PRKN: variants seen among roughly 807,000 people sequenced by gnomAD.
PRKN encodes the protein E3 ubiquitin-protein ligase parkin.
A neutral mutation model predicts 59.5 loss-of-function variants in PRKN; 56 were observed. That is an observed-to-expected ratio of 0.94 (90% CI 0.76 to 1.18). PRKN has a LOEUF of 1.18. Among genes scored for constraint, PRKN ranks in the 50% most tolerant of loss-of-function variants. The pLI, the probability that PRKN is intolerant of heterozygous loss-of-function variation, is 0.00. For missense variants in PRKN, 657 were observed against 596.4 expected (o/e 1.10, Z -1.06); for synonymous variants, 250 against 222.1 (o/e 1.13, Z -1.12).
At chr6:162,450,345 T>A (rs758133721) in intron 1 of PRKN, among the ~76,000 whole-genome samples, 10 of 90,058 alleles carry the variant, frequency 1.1e-4, no homozygotes, top group Admixed American at 2.3e-4. Flanking sequence ...GTGATTGTAA[T>A]CCCCCTGTGA....
At chr6:162,339,301 G>A (rs1784031131) in intron 2 of PRKN, among the ~76,000 whole-genome samples, 1 of 136,904 alleles carries the variant, frequency 7.3e-6, no homozygotes. Context: ...GGGGGGGTCA[G>A]CCCCCCGCCC....
At chr6:161,606,444 A>G (rs747769794) in intron 7 of PRKN, among the ~76,000 whole-genome samples, 4 of 152,236 alleles carry the variant, frequency 2.6e-5, no homozygotes, top group African/African-American at 7.2e-5. Flanking sequence ...AAAGAAAAAC[A>G]AGTGTTCCAG....
chr6:161,426,194 C>T (rs762468180), intron 9 of PRKN, among the ~76,000 whole-genome samples: 1 of 152,062 alleles, frequency 6.6e-6, no homozygotes, highest in Non-Finnish European at 1.5e-5. Flanking sequence ...GTCCCACTGC[C>T]CCTGAATACC....
chr6:162,604,675 A>C, intron 1 of PRKN, among the ~76,000 whole-genome samples: 1 of 148,492 alleles, frequency 6.7e-6, no homozygotes, highest in Non-Finnish European at 1.5e-5. Context: ...TTTTCCCCAC[A>C]GGCCCTGTTT....
At chr6:162,012,720 T>G (rs2128271586) in intron 5 of PRKN, among the ~76,000 whole-genome samples, 1 of 151,956 alleles carries the variant, frequency 6.6e-6, no homozygotes, top group Admixed American at 6.6e-5. Context: ...CTGCATTGAG[T>G]TTTCATGTAC....
In PRKN at chr6:161,369,826, T is replaced by C. The variant is rs1157576335; in HGVS notation, c.1168-9621A>G. On this transcript the variant is annotated intron_variant, in intron 10 of 11. Transcript: ENST00000366898. This position sits in a 1 kb window ranked among gnomAD's most constrained non-coding sequence, Gnocchi z 5.8. Reference sequence around the variant, plus strand: ...ATTTCATATGATTATAGGAAATATATTTCATATACATATAGAGAGAGACAG... The same window carrying C: ...ATTTCATATGATTATAGGAAATATACTTCATATACATATAGAGAGAGACAG... The C allele has an allele frequency of 4.9e-6, 1 of 203,916 alleles. No homozygotes were observed. Among genetic ancestry groups the C allele is most frequent in the African/African-American group, 2.2e-5 (1 of 44,868 alleles). 12.6% of individuals were successfully genotyped at this position (203,916 alleles called of 1,614,324 possible).
intron 1 of PRKN, among the ~76,000 whole-genome samples, chr6:162,710,806 T>C (rs1455964565): frequency 6.6e-6 from 1 of 152,092 alleles, no homozygotes; most frequent in Non-Finnish European, 1.5e-5. Context: ...AACTAAGCTC[T>C]TGTGGAGAAA....
intron 6 of PRKN, among the ~76,000 whole-genome samples, chr6:161,813,422 C>T (rs762415179): frequency 8.5e-5 from 13 of 152,138 alleles, no homozygotes; most frequent in South Asian, 6.2e-4. Flanking sequence ...GGGTGGGACT[C>T]GGGGTAGCTG....
intron 2 of PRKN, among the ~76,000 whole-genome samples, chr6:162,278,968 T>G (rs569359777): frequency 6.9e-6 from 1 of 145,156 alleles, no homozygotes; most frequent in Non-Finnish European, 1.5e-5. Context: ...TTTTAAAAAA[T>G]TTTTTAAAGG....
chr6:161,800,252 T>C (rs1433426622), intron 6 of PRKN, among the ~76,000 whole-genome samples: 2 of 152,032 alleles, frequency 1.3e-5, no homozygotes, highest in African/African-American at 4.8e-5. Context: ...AGGTAGACAA[T>C]ATGTTTGGGG....
chr6:162,364,615 T>A (rs1785323503), intron 2 of PRKN, among the ~76,000 whole-genome samples: 1 of 152,182 alleles, frequency 6.6e-6, no homozygotes, highest in South Asian at 2.1e-4. Context: ...CGGTGCCTTA[T>A]CTTGCAAGCT....
intron 2 of PRKN, among the ~76,000 whole-genome samples, chr6:162,395,109 C>G (rs775256759): frequency 3.3e-5 from 5 of 152,146 alleles, no homozygotes; most frequent in Non-Finnish European, 7.4e-5. Flanking sequence ...AAGAGATATC[C>G]TGGCTGAGGG....
intron 1 of PRKN, among the ~76,000 whole-genome samples, chr6:162,710,017 C>T (rs1030895209): frequency 3.3e-5 from 5 of 152,048 alleles, no homozygotes; most frequent in African/African-American, 9.7e-5. Flanking sequence ...TTCTCCTCCA[C>T]GGGTTGGGGT....
intron 4 of PRKN, among the ~76,000 whole-genome samples, chr6:162,072,279 C>T (rs1778611226): frequency 6.6e-6 from 1 of 151,892 alleles, no homozygotes; most frequent in Admixed American, 6.6e-5. Flanking sequence ...CAGAGCGAGA[C>T]TCCGTCCAAA....
chr6:161,790,769 A>T (rs1035120138), intron 6 of PRKN, among the ~76,000 whole-genome samples: 7 of 152,156 alleles, frequency 4.6e-5, no homozygotes, highest in African/African-American at 1.7e-4. Flanking sequence ...GGATTTTGTT[A>T]TAGCAGCCAG....
At chr6:161,866,168 T>G (rs1437172323) in intron 6 of PRKN, among the ~76,000 whole-genome samples, 1 of 152,152 alleles carries the variant, frequency 6.6e-6, no homozygotes, top group Non-Finnish European at 1.5e-5. Flanking sequence ...CACAATCTTA[T>G]TTGGGCATGG....
intron 1 of PRKN, among the ~76,000 whole-genome samples, chr6:162,708,321 G>A (rs1778407120): frequency 6.6e-6 from 1 of 152,100 alleles, no homozygotes; most frequent in Non-Finnish European, 1.5e-5. Flanking sequence ...CCCAATTAAG[G>A]CCTGTGAATA....
chr6:162,030,330 A>G (rs1783590325), intron 5 of PRKN, among the ~76,000 whole-genome samples: 1 of 152,166 alleles, frequency 6.6e-6, no homozygotes, highest in Non-Finnish European at 1.5e-5. Context: ...ACTGCTGGGA[A>G]TTAGAGGTAC....
rs538871585 is a variant in PRKN at position 162,671,496 on chromosome 6, T to G, written c.7+56166A>C. ...GCTGGCAATAGAGCGAGACTCTGTC[T>G]CAAAAAAAAAAAAAAAAAAGAGTCA... On this transcript the variant is annotated intron_variant, in intron 1 of 11. Transcript: ENST00000366898. Among the ~76,000 whole-genome samples, 108 of 74,912 alleles carry G rather than the reference T, an allele frequency of 1.4e-3. No homozygotes were observed. In the East Asian group the frequency reaches 0.017, roughly 12 times the overall value. 49.1% of individuals were successfully genotyped at this position (74,912 alleles called of 152,430 possible). A position where few individuals can be genotyped will look rare whatever the true frequency, so the allele number is the denominator to read the frequency against.
Sources: gnomAD v4.1 joint callset for allele counts (sites outside exome capture counted in the v4.1 genomes callset) on GRCh38, gnomAD v4.1.1 for gene constraint, Gnocchi (gnomAD v3.1) non-coding constraint, MANE v1.5 for transcripts, NCBI Gene and HGNC (gene_info 2026-07-23, HGNC 2026-07-21) for gene names.